The following SLC14A2 variants were observed in gnomAD, a reference collection of about 807,000 sequenced individuals.
The protein encoded by SLC14A2 is urea transporter 2.
In SLC14A2, 91 loss-of-function variants were observed where a neutral mutation model predicts 104.6. The observed-to-expected ratio is 0.87, with a 90% CI of 0.73 to 1.04. The LOEUF (loss-of-function observed/expected upper bound fraction) is 1.04, where lower values mean the gene tolerates loss of function less well. Ranked by LOEUF, SLC14A2 falls within the 50% of genes least tolerant of loss-of-function variation. The probability of loss-of-function intolerance (pLI) is 0.00; values close to 1 mark genes in which losing one functional copy is unlikely to be tolerated. For missense variants in SLC14A2, 1,189 were observed against 1,156.0 expected (o/e 1.03, Z -0.41); for synonymous variants, 476 against 466.4 (o/e 1.02, Z -0.27).
chr18:45,534,094 G>A (rs537327600), intron 2 of SLC14A2, among the ~76,000 whole-genome samples: 1 of 152,308 alleles, frequency 6.6e-6, no homozygotes, highest in Non-Finnish European at 1.5e-5. Context: ...GAGAGGTATG[G>A]TAAAATCGTG....
chr18:45,376,513 A>G (rs573951173), intron 1 of SLC14A2, among the ~76,000 whole-genome samples: 4 of 152,338 alleles, frequency 2.6e-5, no homozygotes, highest in African/African-American at 7.2e-5. Context: ...GGGAAGTACA[A>G]AAACTGCTCC....
the SLC14A2 span, among the ~76,000 whole-genome samples, chr18:45,204,239 C>T: frequency 6.6e-6 from 1 of 152,140 alleles, no homozygotes; most frequent in Non-Finnish European, 1.5e-5. Context: ...TTGAGGCTCC[C>T]GTCAGGAGAA....
intron 1 of SLC14A2, among the ~76,000 whole-genome samples, chr18:45,364,578 T>C (rs2085648130): frequency 6.6e-6 from 1 of 152,124 alleles, no homozygotes; most frequent in African/African-American, 2.4e-5. Context: ...ATATATGAAA[T>C]AGGAGTGGAT....
intron 1 of SLC14A2, among the ~76,000 whole-genome samples, chr18:45,403,811 G>T (rs1386342504): frequency 2.1e-5 from 3 of 140,588 alleles, no homozygotes; most frequent in Middle Eastern, 3.7e-3. Context: ...CTATGAGTCA[G>T]ATTGCATCAC....
chr18:45,508,903 T>A (rs1244618383), intron 2 of SLC14A2, among the ~76,000 whole-genome samples: 1 of 152,242 alleles, frequency 6.6e-6, no homozygotes, highest in Admixed American at 6.5e-5. Context: ...TTACAAATTA[T>A]CAAGATATTG....
At chr18:45,589,526 C>G (rs1427124502) in intron 2 of SLC14A2, among the ~76,000 whole-genome samples, 1 of 151,720 alleles carries the variant, frequency 6.6e-6, no homozygotes, top group Non-Finnish European at 1.5e-5. Flanking sequence ...CCACCCTCCC[C>G]ACTCCCCTTT....
chr18:45,361,547 TG>T (rs1451602410), intron 1 of SLC14A2, among the ~76,000 whole-genome samples: 1 of 152,184 alleles, frequency 6.6e-6, no homozygotes, highest in Non-Finnish European at 1.5e-5. Context: ...CAAAAACAGA[TG>T]GGACAGTTTA....
intron 2 of SLC14A2, among the ~76,000 whole-genome samples, chr18:45,503,607 C>T (rs1281298612): frequency 6.6e-6 from 1 of 152,204 alleles, no homozygotes; most frequent in Non-Finnish European, 1.5e-5. Context: ...ACACAATCTC[C>T]ACTTTTTCAC....
At chr18:45,246,663 C>G (rs2084370249) in intron 1 of SLC14A2, among the ~76,000 whole-genome samples, 1 of 152,030 alleles carries the variant, frequency 6.6e-6, no homozygotes, top group Non-Finnish European at 1.5e-5. Flanking sequence ...ACCTCCGCCT[C>G]CCGGGTTCAA....
rs554280552 is a variant in SLC14A2 at position 45,633,947 on chromosome 18, C to A, written c.650+1469C>A. ...GATTTTCTTAATGCCCCCCACGTTCCTGCCTGTGAAAAGGAGAACTTGCCC... is the reference window on the plus strand; with the variant it reads ...GATTTTCTTAATGCCCCCCACGTTCATGCCTGTGAAAAGGAGAACTTGCCC... On this transcript the variant is annotated intron_variant, in intron 5 of 19. Transcript: ENST00000255226. Among the ~76,000 whole-genome samples the A allele has an allele frequency of 2.0e-5, 3 of 152,262 alleles. No homozygotes were observed. The South Asian group carries it at 6.2e-4, about 32-fold the overall frequency.
chr18:45,620,495 C>CT (rs1324928710), intron 1 of SLC14A2, among the ~76,000 whole-genome samples: 1 of 152,096 alleles, frequency 6.6e-6, no homozygotes, highest in Non-Finnish European at 1.5e-5. Flanking sequence ...GGTGGAGTAC[C>CT]TTTTTGGAGA....
intron 1 of SLC14A2, among the ~76,000 whole-genome samples, chr18:45,389,035 C>T (rs527928296): frequency 6.6e-6 from 1 of 152,070 alleles, no homozygotes; most frequent in Non-Finnish European, 1.5e-5. Context: ...TTGCATTAAC[C>T]CTTTGAGAGG....
At chr18:45,333,204 A>G (rs1404720333) in intron 1 of SLC14A2, among the ~76,000 whole-genome samples, 1 of 152,182 alleles carries the variant, frequency 6.6e-6, no homozygotes, top group Non-Finnish European at 1.5e-5. Flanking sequence ...CATTGACAGA[A>G]GAAGTTATTT....
chr18:45,362,596 C>A (rs1231903687), intron 1 of SLC14A2, among the ~76,000 whole-genome samples: 1 of 152,162 alleles, frequency 6.6e-6, no homozygotes, highest in African/African-American at 2.4e-5. Flanking sequence ...CTCTTTGGGT[C>A]TTTGCATGTT....
chr18:45,591,232 C>G (rs938924646), intron 2 of SLC14A2, among the ~76,000 whole-genome samples: 1 of 152,228 alleles, frequency 6.6e-6, no homozygotes, highest in Non-Finnish European at 1.5e-5. Context: ...TAAGCCAATG[C>G]TTCTCCAACT....
At chr18:45,209,844 G>A (rs960912366), upstream of SLC14A2, among the ~76,000 whole-genome samples, 5 of 152,226 alleles carry the variant, frequency 3.3e-5, no homozygotes, top group Admixed American at 2.6e-4. Context: ...ACCATGCCCA[G>A]TGCTCCTGAT....
intron 1 of SLC14A2, among the ~76,000 whole-genome samples, chr18:45,240,814 T>A (rs950155251): frequency 2.0e-5 from 3 of 151,812 alleles, no homozygotes; most frequent in African/African-American, 7.3e-5. Context: ...CCCGCCACTA[T>A]GCCCGGCTCA....
At chr18:45,579,267 G>C (rs540238398) in intron 2 of SLC14A2, among the ~76,000 whole-genome samples, 54 of 152,302 alleles carry the variant, frequency 3.5e-4, no homozygotes, top group African/African-American at 1.3e-3. Context: ...GGATGCAAGG[G>C]GGCATGGAGA....
At chr18:45,354,324 G>A (rs1297081653) in intron 1 of SLC14A2, among the ~76,000 whole-genome samples, 4 of 152,206 alleles carry the variant, frequency 2.6e-5, no homozygotes, top group Non-Finnish European at 5.9e-5. Context: ...CTGGGAGGAG[G>A]CTGATTTCTG....
Sources: gnomAD v4.1 joint callset for allele counts (sites outside exome capture counted in the v4.1 genomes callset) on GRCh38, gnomAD v4.1.1 for gene constraint, MANE v1.5 for transcripts, NCBI Gene and HGNC (gene_info 2026-07-23, HGNC 2026-07-21) for gene names.